TJP1: variants seen among roughly 807,000 people sequenced by gnomAD.
TJP1 encodes the protein tight junction protein ZO-1.
A neutral mutation model predicts 194.2 loss-of-function variants in TJP1; 43 were observed. The ratio of observed to expected loss-of-function variants is 0.22; its 90% CI spans 0.17 to 0.29. TJP1 has a LOEUF of 0.29. TJP1 is among the 10% of genes least tolerant of loss of function. The pLI, the probability that TJP1 is intolerant of heterozygous loss-of-function variation, is 1.00. For synonymous variants in TJP1, 801 were observed against 779.0 expected, an observed-to-expected ratio of 1.03 and a Z score of -0.47; for missense variants, 1,971 against 2,185.7, an observed-to-expected ratio of 0.90 and a Z score of 1.96.
intron 2 of TJP1, among the ~76,000 whole-genome samples, chr15:29,875,843 C>T (rs150993862): frequency 0.019 from 2,854 of 152,248 alleles, 106 homozygotes; most frequent in African/African-American, 0.065. Context: ...GGATTACAGA[C>T]GTGAGCCACT....
intron 2 of TJP1, among the ~76,000 whole-genome samples, chr15:29,876,533 A>AT (rs960734714): frequency 2.0e-5 from 3 of 151,786 alleles, no homozygotes; most frequent in African/African-American, 4.8e-5. Context: ...AAAAAAAAAA[A>AT]ATATGAGATT....
At chr15:29,852,957 T>C (rs1031577136) in intron 2 of TJP1, among the ~76,000 whole-genome samples, 4 of 151,782 alleles carry the variant, frequency 2.6e-5, no homozygotes, top group African/African-American at 9.7e-5. Context: ...TACACAAATA[T>C]TCATAGCAGC....
intron 2 of TJP1, among the ~76,000 whole-genome samples, chr15:29,837,538 A>G (rs2051075393): frequency 6.6e-6 from 1 of 152,184 alleles, no homozygotes; most frequent in Non-Finnish European, 1.5e-5. Context: ...AGCCTAGGCA[A>G]CAAAAGAGAA....
At chr15:29,889,012 C>T (rs1252424990) in intron 2 of TJP1, among the ~76,000 whole-genome samples, 2 of 152,168 alleles carry the variant, frequency 1.3e-5, no homozygotes, top group Admixed American at 1.3e-4. Context: ...CTCCTGCTCC[C>T]CAAGACAGAG....
At chr15:29,704,858 A>G (rs2041792179) in intron 26 of TJP1, among the ~76,000 whole-genome samples, 1 of 152,260 alleles carries the variant, frequency 6.6e-6, no homozygotes, top group Non-Finnish European at 1.5e-5. Flanking sequence ...AAAACAGGAT[A>G]TCCCCAAAAT....
At chr15:29,944,171 C>G (rs2152288678) in intron 2 of TJP1, among the ~76,000 whole-genome samples, 1 of 151,998 alleles carries the variant, frequency 6.6e-6, no homozygotes, top group East Asian at 1.9e-4. Context: ...TGGCTCACTG[C>G]AAGCTCCGCC....
intron 1 of TJP1, among the ~76,000 whole-genome samples, chr15:29,963,481 G>C (rs146396953): frequency 1.8e-3 from 270 of 152,194 alleles, no homozygotes; most frequent in African/African-American, 6.0e-3. Context: ...GCAAGTAATA[G>C]CTCAATGAAT....
At chr15:29,818,873 G>A (rs912697191) in intron 1 of TJP1, among the ~76,000 whole-genome samples, 25 of 151,756 alleles carry the variant, frequency 1.6e-4, no homozygotes, top group African/African-American at 5.1e-4. Context: ...CTGTAGTGCA[G>A]TGGCCCCGAT....
intron 2 of TJP1, among the ~76,000 whole-genome samples, chr15:29,948,651 G>C (rs2055368470): frequency 6.6e-6 from 1 of 152,142 alleles, no homozygotes; most frequent in Non-Finnish European, 1.5e-5. Context: ...GCCTACCGAG[G>C]AAGCCTACGC....
intron 2 of TJP1, among the ~76,000 whole-genome samples, chr15:29,891,079 C>T (rs1193103294): frequency 6.6e-6 from 1 of 152,252 alleles, no homozygotes; most frequent in East Asian, 1.9e-4. Flanking sequence ...CTATGAACAA[C>T]TGAATGAAGT....
Position 29,828,404 on chromosome 15 carries a change from A to T in TJP1, c.307-27702T>A, listed in dbSNP as rs80330710. Among the ~76,000 whole-genome samples, 1,331 of 152,072 alleles carry T rather than the reference A, an allele frequency of 8.8e-3. 13 individuals carry two copies. The highest frequency in any genetic ancestry group is 0.024 in the African/African-American group (1,003 of 41,500). On this transcript the variant is annotated intron_variant, in intron 2 of 28. Coordinates refer to the TJP1 transcript ENST00000356107. ...TATAATGTCACAACAACAACAAAAAAATATATATATATCTTTTTGTATACA... is the reference window on the plus strand; with the variant it reads ...TATAATGTCACAACAACAACAAAAATATATATATATATCTTTTTGTATACA...
At chr15:29,827,800 C>T (rs1018313733) in intron 2 of TJP1, among the ~76,000 whole-genome samples, 6 of 152,106 alleles carry the variant, frequency 3.9e-5, no homozygotes, top group South Asian at 2.1e-4. Flanking sequence ...CCCTTTGAAA[C>T]AAAGGGCCCC....
intron 2 of TJP1, among the ~76,000 whole-genome samples, chr15:29,797,279 A>G (rs1329946851): frequency 6.6e-6 from 1 of 152,154 alleles, no homozygotes; most frequent in African/African-American, 2.4e-5. Flanking sequence ...CCTCCCGAGT[A>G]GCTGGGACTA....
At chr15:29,898,138 G>A (rs761218256) in intron 2 of TJP1, among the ~76,000 whole-genome samples, 7 of 152,156 alleles carry the variant, frequency 4.6e-5, no homozygotes, top group African/African-American at 7.2e-5. Context: ...CAGTTCCTAC[G>A]TGTTGTGGGA....
At chr15:29,890,484 T>C (rs1277939979) in intron 2 of TJP1, among the ~76,000 whole-genome samples, 2 of 152,072 alleles carry the variant, frequency 1.3e-5, no homozygotes, top group Admixed American at 6.6e-5. Context: ...GTGCAGCCAT[T>C]GTTGGTGTAG....
intron 2 of TJP1, among the ~76,000 whole-genome samples, chr15:29,843,347 AC>A (rs2051297666): frequency 1.3e-5 from 2 of 151,776 alleles, no homozygotes; most frequent in South Asian, 4.2e-4. Flanking sequence ...CCACCACCAC[AC>A]CTGGCTAATT....
rs557318139 is a variant in TJP1, at chr15:29,766,594, G to C, written c.313-52C>G. On this transcript the variant is annotated intron_variant, in intron 4 of 27. Coordinates refer to ENST00000614355, the MANE Select transcript of TJP1 (RefSeq NM_001330239.4). ...AGTTGACTGATTTTCATATATGTAC[G>C]TTCAGTTCCAAAGAGAAAGGAATAT... 3 of 1,490,706 alleles carry C rather than the reference G, an allele frequency of 2.0e-6. No homozygotes were observed. The Admixed American group carries it at 6.9e-5, about 34-fold the overall frequency. 92.3% of individuals were successfully genotyped at this position (1,490,706 alleles called of 1,614,324 possible).
intron 2 of TJP1, among the ~76,000 whole-genome samples, chr15:29,853,081 T>C (rs1016634325): frequency 7.2e-5 from 11 of 152,216 alleles, no homozygotes; most frequent in African/African-American, 2.7e-4. Flanking sequence ...GAACAAACTA[T>C]TGATACATGC....
At chr15:29,862,640 T>C (rs2052125849) in intron 2 of TJP1, among the ~76,000 whole-genome samples, 1 of 128,356 alleles carries the variant, frequency 7.8e-6, no homozygotes, top group East Asian at 2.5e-4. Flanking sequence ...ATAGGTTTTT[T>C]TCTTTTCTTT....
Sources: allele counts gnomAD v4.1 joint callset (sites outside exome capture counted in the v4.1 genomes callset), GRCh38; gene constraint gnomAD v4.1.1; transcripts MANE v1.5; gene names NCBI Gene and HGNC (gene_info 2026-07-23, HGNC 2026-07-21).